The following PLCG1 variants were observed in gnomAD, a reference collection of about 807,000 sequenced individuals.
PLCG1 encodes the protein phospholipase C gamma 1.
Under a neutral mutation model 177.8 loss-of-function variants are expected in PLCG1, and 71 were observed. That is an observed-to-expected ratio of 0.40 (90% confidence interval 0.33 to 0.49). The LOEUF is 0.49. Ranked by LOEUF, PLCG1 falls within the 20% of genes least tolerant of loss-of-function variation. The pLI is 0.72. For missense variants in PLCG1, 1,281 were observed against 1,709.0 expected (o/e 0.75, Z 4.42); for synonymous variants, 658 against 647.9 (o/e 1.02, Z -0.24).
chr20:41,168,676 C>T, intron 20 of PLCG1, 91 bp from the exon 21 acceptor site: 8 of 763,302 alleles, frequency 1.0e-5, no homozygotes, highest in African/African-American at 1.7e-5. Context: ...GGCAGGGAAG[C>T]CCAAGCACAT....
At position 41,166,250 on chromosome 20, in the gene PLCG1, C is replaced by T. The variant is rs143541951; in HGVS notation, c.1856C>T (p.Pro619Leu). 7.4e-6 allele frequency: 12 copies of T among 1,614,042 alleles called. No homozygotes were observed. Among genetic ancestry groups the T allele is most frequent in the Non-Finnish European group, 9.3e-6 (11 of 1,180,050 alleles). The change falls in exon 17 of 32, where the codon CCC (proline) becomes CTC (leucine). Residue 619 changes from proline (P) to leucine (L), a missense_variant. Physicochemically the swap from Pro to Leu is moderately conservative, Grantham distance 98 (BLOSUM62 -3). Around this residue, in one of 4 missense-constraint regions of PLCG1, gnomAD observed 723 missense variants for 1,030.0 expected, o/e 0.70. Transcript: ENST00000685551. This position sits in a 1 kb window ranked among gnomAD's most constrained non-coding sequence, Gnocchi z 8.6. ...CACTCCCGGCAAGATGCTGGGACCC[C>T]CAAGTTCTTCTTGACAGACAACCTC... is the stretch of plus-strand genomic sequence containing the variant. ...RIHSRQDAGTPKFFLTDNLVF... is the reference protein window; with the variant it reads ...RIHSRQDAGTLKFFLTDNLVF...
chr20:41,168,404 C>G (rs2146051323), intron 20 of PLCG1, among the ~76,000 whole-genome samples: 1 of 152,362 alleles, frequency 6.6e-6, no homozygotes, highest in Non-Finnish European at 1.5e-5. Flanking sequence ...GCCCCATATG[C>G]TTCCAGGTCC....
Position 41,173,572 on chromosome 20 carries a change from G to A in PLCG1, c.3394+38G>A, listed in dbSNP as rs996255741. ...TCCCAGTCATCCTCCTCATCCTGCT[G>A]GGGCACTGCAAGCCTCTCCCCACCA... On this transcript the variant is annotated intron_variant, in intron 28 of 31. Transcript: ENST00000685551. The surrounding 1 kb of genome is among the most constrained non-coding windows in gnomAD (Gnocchi z 6.2). 6.2e-7 allele frequency: 1 copy of A among 1,613,872 alleles called. No individual in the cohort carries two copies. Among genetic ancestry groups the A allele is most frequent in the Non-Finnish European group, 8.5e-7 (1 of 1,179,956 alleles).
In PLCG1 at chr20:41,164,188, T is replaced by C; in HGVS notation, c.1204T>C (p.Phe402Leu). The change falls in exon 12 of 32, where the codon TTT becomes CTT. Residue 402 changes from phenylalanine (F) to leucine (L), a missense_variant. Coordinates refer to ENST00000685551, the MANE Select transcript of PLCG1 (RefSeq NM_002660.3). The surrounding 1 kb of genome is among the most constrained non-coding windows in gnomAD (Gnocchi z 6.4). ...DVLHTIKEHA[F>L]VASEYPVILS... ...CCTGCACACCATCAAGGAGCATGCC[T>C]TTGTGGCCTCAGAGTGAGTCGGAGG... 1 of 1,614,014 alleles carries C rather than the reference T, an allele frequency of 6.2e-7. No homozygotes were observed. The highest frequency in any genetic ancestry group is 8.5e-7 in the Non-Finnish European group (1 of 1,179,988).
At position 41,170,122 on chromosome 20, in the gene PLCG1, T is replaced by G. The variant is rs1331470906; in HGVS notation, c.2661T>G (p.Pro887=). The G allele has an allele frequency of 3.1e-6, 5 of 1,612,568 alleles. No individual in the cohort carries two copies. Among genetic ancestry groups the G allele is most frequent in the Non-Finnish European group, 4.2e-6 (5 of 1,179,014 alleles). ...DVPACQIAIR[P]EGKNNRLFVF... Reference sequence around the variant, plus strand: ...CTCTCGCCCTCCCAGCCATCCGTCCTGAGGGCAAGAACAACCGGCTCTTCG... The same window carrying G: ...CTCTCGCCCTCCCAGCCATCCGTCCGGAGGGCAAGAACAACCGGCTCTTCG... Residue 887 remains proline (P), a synonymous_variant, in exon 24 of 32, where the codon CCT becomes CCG. Coordinates refer to ENST00000685551, the MANE Select transcript of PLCG1 (RefSeq NM_002660.3).
chr20:41,145,754 G>A (rs1226105491), intron 1 of PLCG1, among the ~76,000 whole-genome samples: 1 of 152,164 alleles, frequency 6.6e-6, no homozygotes, highest in African/African-American at 2.4e-5. Context: ...GTAGTTTTGG[G>A]GAAGAAGCAA....
intron 24 of PLCG1, 67 bp downstream of exon 24, chr20:41,170,336 TC>T (rs2146057297): frequency 6.4e-7 from 1 of 1,569,312 alleles, no homozygotes. Flanking sequence ...GGCCTCCAGC[TC>T]CCAGCACAGG....
chr20:41,165,497 C>T lies in PLCG1; in HGVS notation c.1557C>T (p.Tyr519=), dbSNP rs754283726. The T allele has an allele frequency of 3.1e-6, 5 of 1,614,066 alleles. No homozygotes were observed. The change falls in exon 15 of 32, where the codon TAC becomes TAT. Residue 519 remains tyrosine (Y), a synonymous_variant. Coordinates refer to ENST00000685551, the MANE Select transcript of PLCG1 (RefSeq NM_002660.3). This position sits in a 1 kb window ranked among gnomAD's most constrained non-coding sequence, Gnocchi z 6.6. ...YFVLTSSKIY[Y]SEETSSDQGN... is the part of the protein sequence containing the mutation. ...TTCTGACCAGCAGCAAGATCTACTA[C>T]TCTGAGGAGACCAGCAGTGACCAGG...
Position 41,173,428 on chromosome 20 carries a change from G to T in PLCG1, c.3288G>T (p.Gly1096=). Residue 1096 remains glycine (G), a synonymous_variant, in exon 28 of 32, where the codon GGG becomes GGT. Coordinates refer to ENST00000685551, the MANE Select transcript of PLCG1 (RefSeq NM_002660.3). The surrounding 1 kb of genome is among the most constrained non-coding windows in gnomAD (Gnocchi z 6.2). ...EPCAISIEVL[G]ARHLPKNGRG... is the part of the protein sequence containing the mutation. ...TCTTTGTCTGCCTACAGGTGCTGGGGGCCCGACATCTGCCAAAGAATGGCC... is the reference window on the plus strand; with the variant it reads ...TCTTTGTCTGCCTACAGGTGCTGGGTGCCCGACATCTGCCAAAGAATGGCC... 3.1e-6 allele frequency: 5 copies of T among 1,600,250 alleles called. No homozygotes were observed. The highest frequency in any genetic ancestry group is 4.3e-6 in the Non-Finnish European group (5 of 1,172,436).
In PLCG1 at chr20:41,164,030, GA is replaced by G. The variant is rs755217095; in HGVS notation, c.1096+25del. 4 of 1,614,088 alleles carry G rather than the reference GA, an allele frequency of 2.5e-6. No homozygotes were observed. The Admixed American group carries it at 6.7e-5, about 27-fold the overall frequency. ...GTGTGCGTGGGGTCCAGGGCTGGGGGAGGGAAGATGGGAGGCCTGCCCGCTT... is the reference window on the plus strand; with the variant it reads ...GTGTGCGTGGGGTCCAGGGCTGGGGGGGGAAGATGGGAGGCCTGCCCGCTT... On this transcript the variant is annotated intron_variant, in intron 11 of 31. Coordinates refer to ENST00000685551, the MANE Select transcript of PLCG1 (RefSeq NM_002660.3). The surrounding 1 kb of genome is among the most constrained non-coding windows in gnomAD (Gnocchi z 6.4).
In PLCG1 at chr20:41,163,846, C is replaced by T; in HGVS notation, c.1010+13C>T. The T allele has an allele frequency of 6.2e-7, 1 of 1,610,252 alleles. No individual in the cohort carries two copies. Among genetic ancestry groups the T allele is most frequent in the South Asian group, 1.1e-5 (1 of 90,992 alleles). Reference sequence around the variant, plus strand: ...CCTCGCACAACACGTGAGTGTGGCTCCTTCAGGCCCACCCAGCTTCTTCCC... The same window carrying T: ...CCTCGCACAACACGTGAGTGTGGCTTCTTCAGGCCCACCCAGCTTCTTCCC... On this transcript the variant is annotated intron_variant, in intron 10 of 31. Coordinates refer to ENST00000685551, the MANE Select transcript of PLCG1 (RefSeq NM_002660.3). This position sits in a 1 kb window ranked among gnomAD's most constrained non-coding sequence, Gnocchi z 5.2.
chr20:41,142,148 T>C (rs2034851105), intron 1 of PLCG1, among the ~76,000 whole-genome samples: 2 of 152,214 alleles, frequency 1.3e-5, no homozygotes, highest in Admixed American at 6.5e-5. Flanking sequence ...TATAAAGGCC[T>C]CTACCAAGAA....
At chr20:41,143,607 G>T (rs2034900624) in intron 1 of PLCG1, among the ~76,000 whole-genome samples, 1 of 152,144 alleles carries the variant, frequency 6.6e-6, no homozygotes, top group Non-Finnish European at 1.5e-5. Context: ...TGGAGCCACG[G>T]GTGAGGAGTG....
In PLCG1 at chr20:41,159,801, A is replaced by T; in HGVS notation, c.370+43A>T. 5 of 1,613,760 alleles carry T rather than the reference A, an allele frequency of 3.1e-6. No individual in the cohort carries two copies. The highest frequency in any genetic ancestry group is 4.2e-6 in the Non-Finnish European group (5 of 1,179,692). On this transcript the variant is annotated intron_variant, in intron 2 of 31. Transcript: ENST00000685551. This position sits in a 1 kb window ranked among gnomAD's most constrained non-coding sequence, Gnocchi z 6.0. ...AGAGGAGGTAGAGGATAGTTAGGGG[A>T]ATGCCTGCTGGCTCCTGCCCAGTGG...
chr20:41,146,671 G>C lies in PLCG1; in HGVS notation c.217+8813G>C, dbSNP rs1428137728. On this transcript the variant is annotated intron_variant, in intron 1 of 31. Transcript: ENST00000685551. This position sits in a 1 kb window ranked among gnomAD's most constrained non-coding sequence, Gnocchi z 6.3. ...GGCTTCCTGTTTTCTTGGACACCTGGGGATATGGTTGAGTTAAAATGTTCT... is the reference window on the plus strand; with the variant it reads ...GGCTTCCTGTTTTCTTGGACACCTGCGGATATGGTTGAGTTAAAATGTTCT... Among the ~76,000 whole-genome samples, 1 of 152,204 alleles carries C rather than the reference G, an allele frequency of 6.6e-6. No individual in the cohort carries two copies. Among genetic ancestry groups the C allele is most frequent in the African/African-American group, 2.4e-5 (1 of 41,444 alleles).
chr20:41,138,573 C>T (rs529046432), intron 1 of PLCG1, among the ~76,000 whole-genome samples: 1 of 151,944 alleles, frequency 6.6e-6, no homozygotes, highest in Non-Finnish European at 1.5e-5. Flanking sequence ...CAGGGACTCC[C>T]CTTGCCCTGG....
At position 41,173,836 on chromosome 20, in the gene PLCG1, G is replaced by A. The variant is rs377142384; in HGVS notation, c.3556+23G>A. 6 of 1,611,682 alleles carry A rather than the reference G, an allele frequency of 3.7e-6. No individual in the cohort carries two copies. The highest frequency in any genetic ancestry group is 5.1e-6 in the Non-Finnish European group (6 of 1,178,380). ...CAGGTGAGGACCATTCCTGGAGGCA[G>A]TGCCCCTGCAATCTTGCTGGCAGGG... On this transcript the variant is annotated intron_variant, in intron 29 of 31. Transcript: ENST00000685551. The surrounding 1 kb of genome is among the most constrained non-coding windows in gnomAD (Gnocchi z 6.2).
chr20:41,163,871 C>G lies in PLCG1; in HGVS notation c.1010+38C>G, dbSNP rs755774392. On this transcript the variant is annotated intron_variant, in intron 10 of 31. Coordinates refer to ENST00000685551, the MANE Select transcript of PLCG1 (RefSeq NM_002660.3). This position sits in a 1 kb window ranked among gnomAD's most constrained non-coding sequence, Gnocchi z 5.2. ...CCTTCAGGCCCACCCAGCTTCTTCC[C>G]CAGGAGGGCCCATCTGACCATACCT... The G allele has an allele frequency of 1.2e-6, 2 of 1,609,812 alleles. No individual in the cohort carries two copies. Among genetic ancestry groups the G allele is most frequent in the Non-Finnish European group, 8.5e-7 (1 of 1,176,252 alleles).
In PLCG1 at chr20:41,163,668, C is replaced by T; in HGVS notation, c.892-47C>T. 7.4e-7 allele frequency: 1 copy of T among 1,345,826 alleles called. No individual in the cohort carries two copies. The highest frequency in any genetic ancestry group is 1.1e-6 in the Non-Finnish European group (1 of 936,000). 83.4% of individuals were successfully genotyped at this position (1,345,826 alleles called of 1,614,324 possible). A position where few individuals can be genotyped will look rare whatever the true frequency, so the allele number is the denominator to read the frequency against. ...CCCCAACCTACCATCTTGGGTTGGA[C>T]AGGGCAGGGACTCACTGTCTCTTCC... On this transcript the variant is annotated intron_variant, in intron 9 of 31. Transcript: ENST00000685551. The surrounding 1 kb of genome is among the most constrained non-coding windows in gnomAD (Gnocchi z 5.2).
Sources: allele counts gnomAD v4.1 joint callset (sites outside exome capture counted in the v4.1 genomes callset), GRCh38; gene constraint gnomAD v4.1.1; regional missense constraint gnomAD v4.1.1; non-coding constraint Gnocchi (gnomAD v3.1); transcripts MANE v1.5; gene names NCBI Gene and HGNC (gene_info 2026-07-23, HGNC 2026-07-21).